The following MAP2K1 variants were observed in gnomAD, a reference collection of about 807,000 sequenced individuals.
The protein encoded by MAP2K1 is dual specificity mitogen-activated protein kinase kinase 1.
MAP2K1 carries 16 observed loss-of-function variants against 46.3 expected under a neutral mutation model. The observed-to-expected ratio is 0.35, with a 90% CI of 0.23 to 0.52. The LOEUF is 0.52. MAP2K1 is among the 20% of genes least tolerant of loss of function. MAP2K1 has a pLI of 0.94. For synonymous variants in MAP2K1, 183 were observed against 185.6 expected, an observed-to-expected ratio of 0.99 and a Z score of 0.11; for missense variants, 263 against 497.1, an observed-to-expected ratio of 0.53 and a Z score of 4.48.
intron 1 of MAP2K1, among the ~76,000 whole-genome samples, chr15:66,420,861 A>G (rs111217905): frequency 0.89 from 75,407 of 85,032 alleles, 34,941 homozygotes; most frequent in South Asian, 0.99. Flanking sequence ...ATATGTGTGT[A>G]TATATATGTG....
intron 1 of MAP2K1, among the ~76,000 whole-genome samples, chr15:66,421,057 CACAT>C (rs1392380854): frequency 6.2e-5 from 9 of 145,396 alleles, no homozygotes; most frequent in South Asian, 4.3e-4. Flanking sequence ...TATATGTACA[CACAT>C]ACACACACAC....
At chr15:66,415,181 C>A in intron 1 of MAP2K1, 1 of 519,394 alleles carries the variant, frequency 1.9e-6, no homozygotes. Context: ...TTGTTCTTCA[C>A]TGGTATGACT....
intron 7 of MAP2K1, among the ~76,000 whole-genome samples, 167 bp from the exon 8 acceptor site, chr15:66,487,061 C>T (rs1302428199): frequency 1.3e-5 from 2 of 152,184 alleles, no homozygotes; most frequent in Non-Finnish European, 2.9e-5. Context: ...CAGACTTGTA[C>T]CCTGGCCTTT....
At chr15:66,474,481 C>A (rs1463955923) in intron 5 of MAP2K1, among the ~76,000 whole-genome samples, 3 of 152,100 alleles carry the variant, frequency 2.0e-5, no homozygotes, top group Non-Finnish European at 4.4e-5. Context: ...TCAGCCTGCC[C>A]CAAGTCAAAT....
chr15:66,476,293 AAG>A (rs1301903412), intron 5 of MAP2K1, among the ~76,000 whole-genome samples: 1 of 152,214 alleles, frequency 6.6e-6, no homozygotes, highest in Admixed American at 6.5e-5. Context: ...AAGGATCAGA[AAG>A]AGAACGCAAG....
At chr15:66,392,558 T>TC (rs948862656) in intron 1 of MAP2K1, among the ~76,000 whole-genome samples, 4 of 149,670 alleles carry the variant, frequency 2.7e-5, no homozygotes, top group Non-Finnish European at 1.5e-5. Context: ...TCTTTTCTTT[T>TC]TTTTTTTTTT....
In MAP2K1 at chr15:66,437,912, C is replaced by T. The variant is rs184407470; in HGVS notation, c.438+1020C>T. On this transcript the variant is annotated intron_variant, in intron 3 of 10. Transcript: ENST00000307102. ...GCATTCTCTGTGGGAAGCATATGAA[C>T]ATTTCTGGCTTGGTCCTAGTGCTTG... Among the ~76,000 whole-genome samples, 319 of 152,088 alleles carry T rather than the reference C, an allele frequency of 2.1e-3. 1 individual carries two copies. The highest frequency in any genetic ancestry group is 3.3e-3 in the Non-Finnish European group (225 of 67,992).
chr15:66,436,720 CCT>C (rs1424652442), intron 2 of MAP2K1, 24 bp from the exon 3 acceptor site: 3 of 1,612,228 alleles, frequency 1.9e-6, no homozygotes, highest in East Asian at 4.5e-5. Context: ...TTTCATAAAA[CCT>C]CTCTTTCTTC....
chr15:66,483,769 A>G (rs1892971076), intron 6 of MAP2K1, among the ~76,000 whole-genome samples: 1 of 88,080 alleles, frequency 1.1e-5, no homozygotes, highest in Non-Finnish European at 2.7e-5. Flanking sequence ...TTTTTTTGAG[A>G]CGGAGTCTCA....
At chr15:66,415,405 C>T (rs2093422262) in intron 1 of MAP2K1, among the ~76,000 whole-genome samples, 2 of 152,204 alleles carry the variant, frequency 1.3e-5, no homozygotes, top group Admixed American at 1.3e-4. Context: ...ACAACATCCT[C>T]CTAACCCCCA....
chr15:66,458,596 A>G (rs557241313), intron 5 of MAP2K1, among the ~76,000 whole-genome samples: 1 of 152,308 alleles, frequency 6.6e-6, no homozygotes, highest in East Asian at 1.9e-4. Flanking sequence ...GGCTCACTGC[A>G]TCCTCAACCT....
chr15:66,424,366 G>C (rs1390046798), intron 1 of MAP2K1, among the ~76,000 whole-genome samples: 1 of 152,070 alleles, frequency 6.6e-6, no homozygotes, highest in East Asian at 1.9e-4. Context: ...CCCGTGTCTT[G>C]TAATTTTTGA....
In MAP2K1 at chr15:66,489,772, A is replaced by G. The variant is rs368800650; in HGVS notation, c.1068+9A>G. 362 of 1,601,320 alleles carry G rather than the reference A, an allele frequency of 2.3e-4. 1 individual carries two copies. The highest frequency in any genetic ancestry group is 2.7e-4 in the Admixed American group (16 of 59,742). ...ATTTGAAGCAACTCATGGTGAGTCT[A>G]TTTATTCCGGATTCTTACAGTACCT... On this transcript the variant is annotated intron_variant, in intron 10 of 10. Coordinates refer to ENST00000307102, the MANE Select transcript of MAP2K1 (RefSeq NM_002755.4).
At chr15:66,394,181 T>C (rs1413399585) in intron 1 of MAP2K1, among the ~76,000 whole-genome samples, 1 of 152,234 alleles carries the variant, frequency 6.6e-6, no homozygotes, top group Non-Finnish European at 1.5e-5. Flanking sequence ...TTGAAGGCTA[T>C]AAGGTGCCGA....
chr15:66,479,895 A>T (rs1051470268), intron 5 of MAP2K1, among the ~76,000 whole-genome samples: 4 of 151,348 alleles, frequency 2.6e-5, no homozygotes, highest in African/African-American at 7.3e-5. Context: ...ATTTTTTTTT[A>T]TTATTTTTAT....
At chr15:66,425,314 G>C (rs1349560373) in intron 1 of MAP2K1, among the ~76,000 whole-genome samples, 1 of 152,210 alleles carries the variant, frequency 6.6e-6, no homozygotes, top group Non-Finnish European at 1.5e-5. Context: ...TCATCAACTA[G>C]GAGAAGCTGT....
chr15:66,482,002 C>T (rs1355157010), intron 6 of MAP2K1, 123 bp downstream of exon 6: 2 of 1,198,230 alleles, frequency 1.7e-6, no homozygotes, highest in African/African-American at 1.5e-5. Context: ...AGGGAGGAGG[C>T]ACAGTGCTCT....
chr15:66,387,561 C>A, intron 1 of MAP2K1, 134 bp downstream of exon 1: 1 of 860,344 alleles, frequency 1.2e-6, no homozygotes, highest in Non-Finnish European at 1.9e-6. Context: ...AACTCCCGGC[C>A]GCCGAGGTAT....
intron 5 of MAP2K1, among the ~76,000 whole-genome samples, chr15:66,447,079 A>G (rs1220507637): frequency 6.6e-6 from 1 of 152,102 alleles, no homozygotes; most frequent in Non-Finnish European, 1.5e-5. Flanking sequence ...TGAAGCGGAG[A>G]TGAGTGGACT....
Sources: gnomAD v4.1 joint callset for allele counts (sites outside exome capture counted in the v4.1 genomes callset) on GRCh38, gnomAD v4.1.1 for gene constraint, MANE v1.5 for transcripts, NCBI Gene and HGNC (gene_info 2026-07-23, HGNC 2026-07-21) for gene names.